The following HLTF variants were observed in gnomAD, a reference collection of about 807,000 sequenced individuals.
HLTF encodes the protein DNA-dependent ATPase/E3 ubiquitin-protein ligase HLTF.
A neutral mutation model predicts 129.4 loss-of-function variants in HLTF; 127 were observed. The ratio of observed to expected loss-of-function variants is 0.98; its 90% CI spans 0.85 to 1.14. HLTF has a LOEUF of 1.14. Ranked by LOEUF, HLTF falls within the 50% of genes most tolerant of loss-of-function variation. The pLI is 0.00. For missense variants in HLTF, 1,139 were observed against 1,187.1 expected, an observed-to-expected ratio of 0.96 and a Z score of 0.60; for synonymous variants, 332 against 388.8, an observed-to-expected ratio of 0.85 and a Z score of 1.72.
intron 2 of HLTF, among the ~76,000 whole-genome samples, chr3:149,082,919 T>C (rs1020730702): frequency 3.9e-5 from 6 of 152,184 alleles, no homozygotes; most frequent in African/African-American, 1.4e-4. Context: ...TTCTGGATGA[T>C]AGACTTCAGA....
Position 149,039,582 on chromosome 3 carries a change from T to G in HLTF, c.2614A>C (p.Lys872Gln), listed in dbSNP as rs1715939900. Residue 872 changes from lysine to glutamine, a missense_variant and splice_region_variant, in exon 22 of 25, where the codon AAA (lysine) becomes CAA (glutamine). Physicochemically the swap from Lys to Gln is moderately conservative, Grantham distance 53. Coordinates refer to ENST00000310053, the MANE Select transcript of HLTF (RefSeq NM_003071.4). Reference sequence around the variant, plus strand: ...AGTGAAAAACACTGTGGAACTTACTTAAGTGGTATTTCTATTAAAGACAGG... The same window carrying G: ...AGTGAAAAACACTGTGGAACTTACTGAAGTGGTATTTCTATTAAAGACAGG... Reference protein sequence around the residue: ...TFLSLIEIPLKASGFVFTRLD... With the variant: ...TFLSLIEIPLQASGFVFTRLD... 1 of 1,385,004 alleles carries G rather than the reference T, an allele frequency of 7.2e-7. No homozygotes were observed. The highest frequency in any genetic ancestry group is 1.0e-6 in the Non-Finnish European group (1 of 985,278). The allele number at this position is 1,385,004 out of a possible 1,614,324, so 85.8% of individuals were successfully genotyped here.
chr3:149,046,394 G>T, intron 17 of HLTF, 135 bp from the exon 18 acceptor site: 1 of 517,412 alleles, frequency 1.9e-6, no homozygotes, highest in Non-Finnish European at 3.3e-6. Context: ...CCCTTATTTG[G>T]GATTTTAACC....
At chr3:149,037,993 G>A (rs1292339624) in intron 23 of HLTF, among the ~76,000 whole-genome samples, 2 of 152,176 alleles carry the variant, frequency 1.3e-5, no homozygotes, top group Admixed American at 6.5e-5. Context: ...ACAACTGACT[G>A]CACTATATTA....
At chr3:149,036,391 C>T (rs532875279) in intron 23 of HLTF, among the ~76,000 whole-genome samples, 43 of 144,970 alleles carry the variant, frequency 3.0e-4, no homozygotes, top group African/African-American at 1.1e-3. Flanking sequence ...TGGGTTCAAG[C>T]GATTCTCCTG....
Position 149,040,157 on chromosome 3 carries a change from C to G in HLTF, c.2377-1G>C. On this transcript the variant is annotated splice_acceptor_variant, in intron 20 of 24. Transcript: ENST00000310053. LOFTEE classifies it high-confidence loss of function. ...TGCATAAAGGGCATTTAGCATGTGG[C>G]TATATAAGAAAGAACGAAGTATGAG... 6.2e-7 allele frequency: 1 copy of G among 1,603,988 alleles called. No homozygotes were observed. The highest frequency in any genetic ancestry group is 8.5e-7 in the Non-Finnish European group (1 of 1,177,036).
rs781158620 is a variant in HLTF at position 149,071,654 on chromosome 3, T to C, written c.631A>G (p.Lys211Glu). ...TCAAACAATTTGTCAAATTCTGTTT[T>C]AAGCTACAATAAACAGCAACAAGAA... The part of the protein sequence containing the change: ...AAVQMTTEQL[K>E]TEFDKLFEDL... Residue 211 changes from lysine (K) to glutamate (E), a missense_variant, in exon 6 of 25, where the codon AAA becomes GAA. Lys to Glu is a moderately conservative substitution (Grantham distance 56, BLOSUM62 1). Transcript: ENST00000310053. 5.9e-6 allele frequency: 9 copies of C among 1,526,988 alleles called. No homozygotes were observed. Among genetic ancestry groups the C allele is most frequent in the Non-Finnish European group, 8.1e-6 (9 of 1,109,466 alleles). 94.6% of individuals were successfully genotyped at this position (1,526,988 alleles called of 1,614,324 possible).
intron 7 of HLTF, 125 bp downstream of exon 7, chr3:149,071,127 A>G: frequency 1.8e-6 from 1 of 563,392 alleles, no homozygotes; most frequent in Non-Finnish European, 3.1e-6. Flanking sequence ...GTGTTCTACA[A>G]AGATAGTAAG....
chr3:149,075,877 T>C lies in HLTF; in HGVS notation c.395+4A>G. ...ATTAAAACTAAATTCTGAAAGTACATTACCCTTCAATTTGTGCCAATTTGT... is the reference window on the plus strand; with the variant it reads ...ATTAAAACTAAATTCTGAAAGTACACTACCCTTCAATTTGTGCCAATTTGT... On this transcript the variant is annotated splice_donor_region_variant and intron_variant, in intron 3 of 24. Transcript: ENST00000310053. 1 of 1,592,726 alleles carries C rather than the reference T, an allele frequency of 6.3e-7. No individual in the cohort carries two copies. The highest frequency in any genetic ancestry group is 8.5e-7 in the Non-Finnish European group (1 of 1,170,380).
chr3:149,032,970 A>AC (rs1715251302), intron 24 of HLTF, among the ~76,000 whole-genome samples: 3 of 142,682 alleles, frequency 2.1e-5, no homozygotes, highest in African/African-American at 8.0e-5. Flanking sequence ...AAAAAAAAAA[A>AC]AAAAAAACAA....
At chr3:149,048,198 C>T (rs759948672) in intron 16 of HLTF, 35 bp from the exon 17 acceptor site, 1 of 1,550,492 alleles carries the variant, frequency 6.4e-7, no homozygotes, top group Non-Finnish European at 8.7e-7. Context: ...AACTCTTTAA[C>T]CAGAGTATCC....
At chr3:149,078,684 C>A (rs576708485) in intron 2 of HLTF, among the ~76,000 whole-genome samples, 1 of 152,068 alleles carries the variant, frequency 6.6e-6, no homozygotes, top group South Asian at 2.1e-4. Flanking sequence ...AGTGAAACCC[C>A]GTCTCTACTA....
At position 149,074,340 on chromosome 3, in the gene HLTF, G is replaced by A. The variant is rs1413949146; in HGVS notation, c.404C>T (p.Pro135Leu). ...GGTAAAAGCATTGTTTGCACCAAAA[G>A]GAACTACCCTATTATATTTGGGAGA... The part of the protein sequence containing the change: ...NKLAQIEGVV[P>L]FGANNAFTMP... Residue 135 changes from proline (P) to leucine (L), a missense_variant, in exon 4 of 25, where the codon CCT becomes CTT. Transcript: ENST00000310053. 1.9e-6 allele frequency: 3 copies of A among 1,609,234 alleles called. No homozygotes were observed. The African/African-American group carries it at 4.0e-5, about 22-fold the overall frequency.
chr3:149,082,489 G>A (rs1424470071), intron 2 of HLTF, among the ~76,000 whole-genome samples: 1 of 152,016 alleles, frequency 6.6e-6, no homozygotes, highest in African/African-American at 2.4e-5. Flanking sequence ...AAAGAAATGA[G>A]ACTCGTGGCT....
Position 149,035,003 on chromosome 3 carries a change from CAAG to C in HLTF, c.2797-8_2797-6del. The C allele has an allele frequency of 6.2e-7, 1 of 1,607,972 alleles. No individual in the cohort carries two copies. Among genetic ancestry groups the C allele is most frequent in the Non-Finnish European group, 8.5e-7 (1 of 1,174,390 alleles). ...TTCAGCAGCAGGATTCCAGGCCTAACAAGAACATGGATGAGTTACTTTACTACT... is the reference window on the plus strand; with the variant it reads ...TTCAGCAGCAGGATTCCAGGCCTAACAACATGGATGAGTTACTTTACTACT... On this transcript the variant is annotated splice_region_variant and splice_polypyrimidine_tract_variant and intron_variant, in intron 23 of 24. Transcript: ENST00000310053.
Position 149,055,467 on chromosome 3 carries a change from T to C in HLTF, c.1376-67A>G, listed in dbSNP as rs144371728. On this transcript the variant is annotated intron_variant, in intron 13 of 24. Coordinates refer to ENST00000310053, the MANE Select transcript of HLTF (RefSeq NM_003071.4). ...TGAAATATATATGTCAATAAGGAGA[T>C]GGCAATAATGTGCCTCCATGAAAAG... is the stretch of plus-strand genomic sequence containing the variant. 138 of 985,010 alleles carry C rather than the reference T, an allele frequency of 1.4e-4. No individual in the cohort carries two copies. The African/African-American group carries it at 2.0e-3, about 14-fold the overall frequency. The allele number at this position is 985,010 out of a possible 1,614,324, so 61.0% of individuals were successfully genotyped here.
chr3:149,040,400 C>A (rs1716026395), intron 20 of HLTF: 6 of 332,592 alleles, frequency 1.8e-5, no homozygotes, highest in Admixed American at 1.0e-4. Context: ...GAAGCAAGAG[C>A]AAGAAACCAA....
chr3:149,082,501 C>T (rs1719959086), intron 2 of HLTF, among the ~76,000 whole-genome samples: 1 of 151,962 alleles, frequency 6.6e-6, no homozygotes, highest in Non-Finnish European at 1.5e-5. Context: ...CTCGTGGCTG[C>T]CTAGGGCAGG....
At chr3:149,038,986 T>C in intron 23 of HLTF, 63 bp downstream of exon 23, 1 of 984,344 alleles carries the variant, frequency 1.0e-6, no homozygotes. Context: ...TACCAAATAG[T>C]TTTTTGTCTT....
intron 1 of HLTF, 119 bp downstream of exon 1, chr3:149,086,198 A>G (rs1181023035): frequency 1.8e-6 from 2 of 1,091,554 alleles, no homozygotes; most frequent in African/African-American, 3.1e-5. Flanking sequence ...CGACCAACAG[A>G]ACGAATACAG....
Sources: gnomAD v4.1 joint callset for allele counts (sites outside exome capture counted in the v4.1 genomes callset) on GRCh38, gnomAD v4.1.1 for gene constraint, MANE v1.5 for transcripts, NCBI Gene and HGNC (gene_info 2026-07-23, HGNC 2026-07-21) for gene names.